The following AUTS2 variants were observed in gnomAD, a reference collection of about 807,000 sequenced individuals.
AUTS2 encodes the protein autism susceptibility gene 2 protein.
Under a neutral mutation model 112.4 loss-of-function variants are expected in AUTS2, and 17 were observed. The ratio of observed to expected loss-of-function variants is 0.15; its 90% CI spans 0.10 to 0.23. The LOEUF is 0.23. Ranked by LOEUF, AUTS2 falls within the 10% of genes least tolerant of loss-of-function variation. The pLI is 1.00. For synonymous variants in AUTS2, 751 were observed against 702.7 expected (o/e 1.07, Z -1.09); for missense variants, 1,510 against 1,701.6 (o/e 0.89, Z 1.98).
chr7:70,789,628 A>C (rs1585699202), intron 18 of AUTS2, 120 bp from the exon 19 acceptor site: 1 of 1,215,452 alleles, frequency 8.2e-7, no homozygotes, highest in South Asian at 1.5e-5. Flanking sequence ...TGCCTTGGCG[A>C]CCATGGGAAG....
At chr7:70,093,210 T>G (rs1240345218) in intron 2 of AUTS2, among the ~76,000 whole-genome samples, 1 of 152,138 alleles carries the variant, frequency 6.6e-6, no homozygotes, top group Non-Finnish European at 1.5e-5. Flanking sequence ...AACCAATCTC[T>G]CATCGTTTTC....
At chr7:69,926,445 G>GTCTA (rs10677736) in intron 2 of AUTS2, among the ~76,000 whole-genome samples, 19,113 of 122,936 alleles carry the variant, frequency 0.16, 1,259 homozygotes, top group Middle Eastern at 0.2. Flanking sequence ...CTGTCTGTCT[G>GTCTA]TCTATCTATC....
At chr7:69,756,707 C>T (rs1489710290) in intron 1 of AUTS2, among the ~76,000 whole-genome samples, 30 of 151,852 alleles carry the variant, frequency 2.0e-4, no homozygotes, top group Admixed American at 2.0e-3. Flanking sequence ...CTAGTAACTA[C>T]CAGTTTTTAT....
At chr7:70,186,967 G>C (rs1424960942) in intron 4 of AUTS2, among the ~76,000 whole-genome samples, 1 of 152,216 alleles carries the variant, frequency 6.6e-6, no homozygotes, top group African/African-American at 2.4e-5. Flanking sequence ...AGGCAGCAGA[G>C]GTTAAAGAAA....
At chr7:70,602,397 G>A (rs1236685364) in intron 5 of AUTS2, among the ~76,000 whole-genome samples, 2 of 152,150 alleles carry the variant, frequency 1.3e-5, no homozygotes, top group African/African-American at 2.4e-5. Flanking sequence ...TTTTCATCGG[G>A]CACTTTTACC....
At chr7:70,783,933 T>C (rs1791261832) in intron 15 of AUTS2, 1 of 152,236 alleles carries the variant, frequency 6.6e-6, no homozygotes, top group Admixed American at 6.5e-5. Flanking sequence ...TCTCTTTCTC[T>C]GTCTCCTTCC....
chr7:70,051,120 A>T (rs1801732619), intron 2 of AUTS2, among the ~76,000 whole-genome samples: 1 of 152,240 alleles, frequency 6.6e-6, no homozygotes, highest in Non-Finnish European at 1.5e-5. Context: ...TTTGAGTGAA[A>T]TGCAGAATTT....
At chr7:69,603,788 G>C (rs963535882) in intron 1 of AUTS2, among the ~76,000 whole-genome samples, 1 of 152,198 alleles carries the variant, frequency 6.6e-6, no homozygotes, top group Non-Finnish European at 1.5e-5. Context: ...AAGATGTCTA[G>C]TTTTCTTAAA....
intron 5 of AUTS2, among the ~76,000 whole-genome samples, chr7:70,541,175 C>G (rs939009691): frequency 2.6e-5 from 4 of 152,152 alleles, no homozygotes; most frequent in Admixed American, 2.6e-4. Context: ...TTTCAGCCAT[C>G]CCTCCTATTG....
intron 4 of AUTS2, among the ~76,000 whole-genome samples, chr7:70,334,499 G>A (rs9918544): frequency 0.29 from 44,379 of 151,738 alleles, 6,747 homozygotes; most frequent in African/African-American, 0.38. Flanking sequence ...GAGTATTGGG[G>A]GCAGAGGACT....
At chr7:69,792,687 C>T (rs1434536618) in intron 1 of AUTS2, among the ~76,000 whole-genome samples, 1 of 152,142 alleles carries the variant, frequency 6.6e-6, no homozygotes, top group Non-Finnish European at 1.5e-5. Context: ...AAGCTTTCCT[C>T]CCAGATTCTT....
chr7:70,371,529 C>T (rs947582510), intron 4 of AUTS2, among the ~76,000 whole-genome samples: 3 of 152,182 alleles, frequency 2.0e-5, no homozygotes, highest in Non-Finnish European at 4.4e-5. Context: ...TTCATAAAAT[C>T]AATTAACTAT....
At chr7:70,332,526 C>T (rs1026658014) in intron 4 of AUTS2, among the ~76,000 whole-genome samples, 2 of 152,096 alleles carry the variant, frequency 1.3e-5, no homozygotes, top group African/African-American at 4.8e-5. Context: ...GGAAAAAGAA[C>T]AAAGCTGGAG....
chr7:70,586,012 G>A (rs941311557), intron 5 of AUTS2, among the ~76,000 whole-genome samples: 9 of 151,882 alleles, frequency 5.9e-5, no homozygotes, highest in South Asian at 2.1e-4. Context: ...ACAAGCATGC[G>A]CCACCATGTC....
At chr7:70,164,631 G>A (rs1808286404) in intron 4 of AUTS2, among the ~76,000 whole-genome samples, 1 of 152,132 alleles carries the variant, frequency 6.6e-6, no homozygotes, top group South Asian at 2.1e-4. Context: ...CAGTCTATCA[G>A]AGGAGGAATT....
At chr7:70,081,509 C>T (rs577658172) in intron 2 of AUTS2, among the ~76,000 whole-genome samples, 1 of 151,530 alleles carries the variant, frequency 6.6e-6, no homozygotes, top group African/African-American at 2.4e-5. Flanking sequence ...TGTAGTGAGC[C>T]AAGATCATGC....
At chr7:70,501,413 T>A (rs1249131201) in intron 5 of AUTS2, among the ~76,000 whole-genome samples, 1 of 152,192 alleles carries the variant, frequency 6.6e-6, no homozygotes, top group African/African-American at 2.4e-5. Context: ...TAGCTTCCCT[T>A]GTAGCTCAAA....
chr7:70,337,526 T>G (rs1057502034), intron 4 of AUTS2, among the ~76,000 whole-genome samples: 1 of 152,200 alleles, frequency 6.6e-6, no homozygotes, highest in Admixed American at 6.5e-5. Context: ...AATAATAAAC[T>G]GCCCTCCCCC....
In AUTS2 at chr7:69,753,315, A is replaced by G. The variant is rs546073922; in HGVS notation, c.310-145971A>G. Among the ~76,000 whole-genome samples, 5 of 150,376 alleles carry G rather than the reference A, an allele frequency of 3.3e-5. 1 individual carries two copies. In the South Asian group the frequency reaches 8.4e-4, roughly 25 times the overall value. On this transcript the variant is annotated intron_variant, in intron 1 of 18. Transcript: ENST00000342771. ...ATACACGTAATGTGGAAATTTCCCT[A>G]CCTTGTAACAGTGAGTTGGAAATTG...
Sources: allele counts gnomAD v4.1 joint callset (sites outside exome capture counted in the v4.1 genomes callset), GRCh38; gene constraint gnomAD v4.1.1; transcripts MANE v1.5; gene names NCBI Gene and HGNC (gene_info 2026-07-23, HGNC 2026-07-21).